CAND2: variants seen among roughly 807,000 people sequenced by gnomAD.
The protein encoded by CAND2 is cullin associated and neddylation dissociated 2 (putative).
CAND2 carries 62 observed loss-of-function variants against 98.9 expected under a neutral mutation model. The ratio of observed to expected loss-of-function variants is 0.63; its 90% CI spans 0.51 to 0.77. The LOEUF (loss-of-function observed/expected upper bound fraction) is 0.77. CAND2 is among the 30% of genes least tolerant of loss of function. CAND2 has a pLI of 0.00. For synonymous variants in CAND2, 770 were observed against 731.9 expected (o/e 1.05, Z -0.84); for missense variants, 1,501 against 1,655.2 (o/e 0.91, Z 1.62).
intron 13 of CAND2, among the ~76,000 whole-genome samples, 182 bp downstream of exon 13, chr3:12,827,786 T>C (rs2062016265): frequency 6.6e-6 from 1 of 151,996 alleles, no homozygotes; most frequent in African/African-American, 2.4e-5. Context: ...GAGTCTACAC[T>C]GGGCAGGCTC....
intron 12 of CAND2, among the ~76,000 whole-genome samples, chr3:12,826,273 G>A (rs1486139959): frequency 6.6e-6 from 1 of 152,224 alleles, no homozygotes; most frequent in Non-Finnish European, 1.5e-5. Flanking sequence ...GTAAAGGAAG[G>A]ATTCGGGGGC....
intron 11 of CAND2, among the ~76,000 whole-genome samples, chr3:12,821,636 C>T (rs2061957946): frequency 6.6e-6 from 1 of 151,232 alleles, no homozygotes; most frequent in South Asian, 2.1e-4. Flanking sequence ...CCACCAGCGA[C>T]CTTCACATGG....
At position 12,807,280 on chromosome 3, in the gene CAND2, G is replaced by C; in HGVS notation, c.213-26G>C. 2 of 1,547,576 alleles carry C rather than the reference G, an allele frequency of 1.3e-6. 1 individual carries two copies. Reference sequence around the variant, plus strand: ...ACTCAGGCTGAACCTTGTGCCCTTGGATTCACCTTCCCACTCCCTGCTCAG... The same window carrying C: ...ACTCAGGCTGAACCTTGTGCCCTTGCATTCACCTTCCCACTCCCTGCTCAG... On this transcript the variant is annotated intron_variant, in intron 2 of 14. Transcript: ENST00000456430.
At position 12,815,275 on chromosome 3, in the gene CAND2, C is replaced by T; in HGVS notation, c.1141C>T (p.Leu381Phe). 6.2e-7 allele frequency: 1 copy of T among 1,613,948 alleles called. No individual in the cohort carries two copies. The highest frequency in any genetic ancestry group is 8.5e-7 in the Non-Finnish European group (1 of 1,180,036). Reference sequence around the variant, plus strand: ...TTTCCACTGCACCCTGGCACCTGTGCTCATCCGCCGCTTCAAAGAACGCGA... The same window carrying T: ...TTTCCACTGCACCCTGGCACCTGTGTTCATCCGCCGCTTCAAAGAACGCGA... ...PDFHCTLAPV[L>F]IRRFKEREEN... The change falls in exon 8 of 15, where the codon CTC (leucine) becomes TTC (phenylalanine). Residue 381 changes from leucine to phenylalanine, a missense_variant. Coordinates refer to ENST00000456430, the MANE Select transcript of CAND2 (RefSeq NM_001162499.2). The surrounding 1 kb of genome is among the most constrained non-coding windows in gnomAD (Gnocchi z 5.7).
chr3:12,826,672 A>T (rs1355327319), intron 12 of CAND2, among the ~76,000 whole-genome samples: 2 of 151,994 alleles, frequency 1.3e-5, no homozygotes, highest in African/African-American at 2.4e-5. Flanking sequence ...TCGGCCTCTC[A>T]AAGTGCTGGG....
Position 12,817,016 on chromosome 3 carries a change from T to G in CAND2, c.2084T>G (p.Val695Gly). The G allele has an allele frequency of 6.2e-7, 1 of 1,613,120 alleles. No individual in the cohort carries two copies. The highest frequency in any genetic ancestry group is 1.1e-5 in the South Asian group (1 of 91,066). The change falls in exon 10 of 15, where the codon GTG becomes GGG. Residue 695 changes from valine to glycine, a missense_variant. By Grantham distance (109) the Val-to-Gly change is moderately radical. This residue lies in a region of CAND2 where 1,427 missense variants were observed against 1,545.3 expected (regional missense o/e 0.92). Coordinates refer to ENST00000456430, the MANE Select transcript of CAND2 (RefSeq NM_001162499.2). Reference sequence around the variant, plus strand: ...CTCCCACCGTCTGCCGTGCAGGCCGTGCTGGCTGAGCTGCCTGCCCTGGTC... The same window carrying G: ...CTCCCACCGTCTGCCGTGCAGGCCGGGCTGGCTGAGCTGCCTGCCCTGGTC... ...LSLPPSAVQA[V>G]LAELPALVNE...
At chr3:12,804,287 C>T (rs1359085494) in intron 2 of CAND2, among the ~76,000 whole-genome samples, 2 of 151,686 alleles carry the variant, frequency 1.3e-5, no homozygotes, top group Non-Finnish European at 1.5e-5. Flanking sequence ...AACCCTGTCT[C>T]TACTAAATAA....
chr3:12,822,726 G>A (rs2061966987), intron 11 of CAND2, among the ~76,000 whole-genome samples: 1 of 152,164 alleles, frequency 6.6e-6, no homozygotes, highest in African/African-American at 2.4e-5. Context: ...TTTTAGTGGA[G>A]AATGGTATTT....
In CAND2 at chr3:12,802,145, G is replaced by C. The variant is rs1285526148; in HGVS notation, c.69-1343G>C. On this transcript the variant is annotated intron_variant, in intron 1 of 14. Coordinates refer to ENST00000456430, the MANE Select transcript of CAND2 (RefSeq NM_001162499.2). The stretch of plus-strand genomic sequence containing the variant: ...GATCAAGACCATCCTGGCTAACACA[G>C]TGAAACCCCACCTCTACTAAAAATA... 5.3e-5 allele frequency among the ~76,000 whole-genome samples: 8 copies of C among 152,320 alleles called. No homozygotes were observed. In the East Asian group the frequency reaches 7.7e-4, roughly 15 times the overall value.
At chr3:12,812,473 C>T (rs1211570019) in intron 5 of CAND2, among the ~76,000 whole-genome samples, 80 of 131,716 alleles carry the variant, frequency 6.1e-4, no homozygotes, top group African/African-American at 2.2e-3. Flanking sequence ...GGCGCAATCT[C>T]GGCTCACTGC....
chr3:12,831,593 T>C, intron 14 of CAND2, 21 bp downstream of exon 14: 1 of 1,565,996 alleles, frequency 6.4e-7, no homozygotes, highest in Non-Finnish European at 8.7e-7. Flanking sequence ...GGCCCAGCCC[T>C]AGCCCAGGCC....
rs1204849240 is a variant in CAND2 at position 12,834,269 on chromosome 3, CAT to C, written c.*289_*290del. On this transcript the variant is annotated 3_prime_UTR_variant, in exon 15 of 15. Transcript: ENST00000456430. ...CCAGTGACTTCACACTGTACCCCTCCATAGTCTGTCTGGTTCCTTCAGAGGGT... is the reference window on the plus strand; with the variant it reads ...CCAGTGACTTCACACTGTACCCCTCCAGTCTGTCTGGTTCCTTCAGAGGGT... 7.0e-6 allele frequency: 3 copies of C among 427,430 alleles called. No individual in the cohort carries two copies. The highest frequency in any genetic ancestry group is 1.3e-5 in the Non-Finnish European group (3 of 231,524). The allele number at this position is 427,430 out of a possible 1,614,324, so 26.5% of individuals were successfully genotyped here. A position where few individuals can be genotyped will look rare whatever the true frequency, so the allele number is the denominator to read the frequency against.
At chr3:12,826,360 G>C (rs1048144976) in intron 12 of CAND2, among the ~76,000 whole-genome samples, 3 of 151,992 alleles carry the variant, frequency 2.0e-5, no homozygotes, top group African/African-American at 7.2e-5. Flanking sequence ...GGGCTTTGAA[G>C]GGTGAAAAGG....
chr3:12,821,737 A>G (rs1559556617), intron 11 of CAND2, among the ~76,000 whole-genome samples: 1 of 152,054 alleles, frequency 6.6e-6, no homozygotes, highest in Non-Finnish European at 1.5e-5. Context: ...ATACCTCATC[A>G]TAGTGGATGC....
Position 12,817,362 on chromosome 3 carries a change from C to A in CAND2, c.2430C>A (p.Ala810=), listed in dbSNP as rs1474607641. 3.1e-6 allele frequency: 5 copies of A among 1,613,722 alleles called. No individual in the cohort carries two copies. Among genetic ancestry groups the A allele is most frequent in the South Asian group, 1.1e-5 (1 of 91,080 alleles). ...VFHSLARCVA[A]LSAACPQEAA... is the part of the protein sequence containing the mutation. ...ACTCATTGGCCCGGTGTGTGGCAGC[C>A]CTCTCAGCTGCCTGTCCCCAAGAGG... The change falls in exon 10 of 15, where the codon GCC becomes GCA. Residue 810 remains alanine (A), a synonymous_variant. Transcript: ENST00000456430.
Position 12,816,028 on chromosome 3 carries a change from G to C in CAND2, c.1441+20G>C. On this transcript the variant is annotated intron_variant, in intron 9 of 14. Coordinates refer to ENST00000456430, the MANE Select transcript of CAND2 (RefSeq NM_001162499.2). ...TATCAGGTAGGCTGGACTGCAACCAGGTATCTGCTGTTCTGGGCCACTTCC... is the reference window on the plus strand; with the variant it reads ...TATCAGGTAGGCTGGACTGCAACCACGTATCTGCTGTTCTGGGCCACTTCC... 6.2e-7 allele frequency: 1 copy of C among 1,610,102 alleles called. No homozygotes were observed. Among genetic ancestry groups the C allele is most frequent in the Non-Finnish European group, 8.5e-7 (1 of 1,177,348 alleles).
Position 12,817,921 on chromosome 3 carries a change from C to T in CAND2, c.2944+45C>T, listed in dbSNP as rs527518680. 6.2e-6 allele frequency: 9 copies of T among 1,460,018 alleles called. No individual in the cohort carries two copies. The East Asian group carries it at 1.4e-4, about 23-fold the overall frequency. The allele number at this position is 1,460,018 out of a possible 1,614,324, so 90.4% of individuals were successfully genotyped here. A position where few individuals can be genotyped will look rare whatever the true frequency, so the allele number is the denominator to read the frequency against. On this transcript the variant is annotated intron_variant, in intron 10 of 14. Transcript: ENST00000456430. ...CAAGGCAGCCCACCTCGGAGGTGGG[C>T]AGTTTGCCACTGAGCATCCAGGCAG...
At chr3:12,831,061 CGA>C (rs1412580339) in intron 13 of CAND2, among the ~76,000 whole-genome samples, 3 of 144,948 alleles carry the variant, frequency 2.1e-5, no homozygotes, top group East Asian at 2.0e-4. Flanking sequence ...ATTTAAAAAT[CGA>C]GACTTTTTTT....
In CAND2 at chr3:12,803,483, T is replaced by G; in HGVS notation, c.69-5T>G. 1 of 1,602,536 alleles carries G rather than the reference T, an allele frequency of 6.2e-7. No homozygotes were observed. The highest frequency in any genetic ancestry group is 8.5e-7 in the Non-Finnish European group (1 of 1,174,166). On this transcript the variant is annotated splice_polypyrimidine_tract_variant and splice_region_variant and intron_variant, in intron 1 of 14. Coordinates refer to ENST00000456430, the MANE Select transcript of CAND2 (RefSeq NM_001162499.2). ...TCAGCAATCTCCTCCACCCTCCCTG[T>G]GCAGGTTCATGGCCACCAGCGACCT...
Sources: allele counts gnomAD v4.1 joint callset (sites outside exome capture counted in the v4.1 genomes callset), GRCh38; gene constraint gnomAD v4.1.1; regional missense constraint gnomAD v4.1.1; non-coding constraint Gnocchi (gnomAD v3.1); transcripts MANE v1.5; gene names NCBI Gene and HGNC (gene_info 2026-07-23, HGNC 2026-07-21).